NRXN1: variants seen among roughly 807,000 people sequenced by gnomAD.
NRXN1 encodes the protein neurexin-1.
A neutral mutation model predicts 150.9 loss-of-function variants in NRXN1; 39 were observed. The observed-to-expected ratio is 0.26, with a 90% confidence interval of 0.20 to 0.34. NRXN1 has a LOEUF of 0.34. NRXN1 is among the 10% of genes least tolerant of loss of function. NRXN1 has a pLI of 1.00. For synonymous variants in NRXN1, 924 were observed against 757.0 expected (o/e 1.22, Z -3.62); for missense variants, 1,815 against 1,949.9 (o/e 0.93, Z 1.30).
chr2:49,924,457 A>C (rs1668743108), intron 22 of NRXN1, among the ~76,000 whole-genome samples: 1 of 152,196 alleles, frequency 6.6e-6, no homozygotes, highest in Non-Finnish European at 1.5e-5. Context: ...ATCTTATCAA[A>C]AAAATTTTAT....
At chr2:50,262,340 C>G (rs1237909808) in intron 17 of NRXN1, among the ~76,000 whole-genome samples, 1 of 151,704 alleles carries the variant, frequency 6.6e-6, no homozygotes, top group Non-Finnish European at 1.5e-5. Context: ...AAATCATATA[C>G]CCTACATGGC....
At chr2:50,725,781 C>G (rs1574255308) in intron 5 of NRXN1, among the ~76,000 whole-genome samples, 1 of 152,070 alleles carries the variant, frequency 6.6e-6, no homozygotes, top group Non-Finnish European at 1.5e-5. Context: ...CTTTGTAAAA[C>G]AGACTTAAGA....
chr2:51,014,573 T>G (rs1463044725), intron 2 of NRXN1, among the ~76,000 whole-genome samples: 2 of 151,948 alleles, frequency 1.3e-5, no homozygotes, highest in Non-Finnish European at 2.9e-5. Context: ...ACAGGAGAGA[T>G]TATCCTATGT....
chr2:50,961,011 T>C (rs905622574), intron 2 of NRXN1, among the ~76,000 whole-genome samples: 1 of 151,944 alleles, frequency 6.6e-6, no homozygotes, highest in Non-Finnish European at 1.5e-5. Flanking sequence ...TAAGTTTTTG[T>C]AAAAATTAGG....
chr2:50,996,648 G>C (rs1435389306), intron 2 of NRXN1, among the ~76,000 whole-genome samples: 1 of 151,920 alleles, frequency 6.6e-6, no homozygotes, highest in East Asian at 1.9e-4. Flanking sequence ...AAGACGAAAA[G>C]CTTAGACTTC....
At chr2:50,496,804 GA>G (rs2091657997) in intron 14 of NRXN1, among the ~76,000 whole-genome samples, 1 of 152,162 alleles carries the variant, frequency 6.6e-6, no homozygotes, top group Non-Finnish European at 1.5e-5. Flanking sequence ...TTTGCAGAAT[GA>G]GTGAATAAAT....
At chr2:50,812,079 A>T (rs1574559335) in intron 5 of NRXN1, among the ~76,000 whole-genome samples, 1 of 151,840 alleles carries the variant, frequency 6.6e-6, no homozygotes, top group East Asian at 1.9e-4. Flanking sequence ...AACCAGATGA[A>T]AAAAAAAACT....
At chr2:50,059,710 C>T (rs1333380268) in intron 19 of NRXN1, among the ~76,000 whole-genome samples, 1 of 152,122 alleles carries the variant, frequency 6.6e-6, no homozygotes, top group African/African-American at 2.4e-5. Flanking sequence ...TCTCAGGACT[C>T]AGGTGTCTTG....
intron 17 of NRXN1, among the ~76,000 whole-genome samples, chr2:50,432,504 C>G (rs765241134): frequency 6.6e-6 from 1 of 152,196 alleles, no homozygotes; most frequent in Non-Finnish European, 1.5e-5. Flanking sequence ...TTCTATACTT[C>G]TTTCCTGTTA....
At chr2:50,989,470 C>A (rs978706916) in intron 2 of NRXN1, among the ~76,000 whole-genome samples, 1 of 151,946 alleles carries the variant, frequency 6.6e-6, no homozygotes, top group Non-Finnish European at 1.5e-5. Context: ...GCCCCTACAA[C>A]CCAGGCATTT....
intron 2 of NRXN1, among the ~76,000 whole-genome samples, chr2:50,947,752 T>C (rs766967379): frequency 2.6e-5 from 4 of 151,964 alleles, no homozygotes; most frequent in African/African-American, 4.8e-5. Flanking sequence ...ATAAAACCAA[T>C]CATGTTAAAG....
intron 12 of NRXN1, among the ~76,000 whole-genome samples, chr2:50,510,102 A>AG (rs2092393359): frequency 6.6e-6 from 1 of 152,132 alleles, no homozygotes; most frequent in African/African-American, 2.4e-5. Context: ...TGAAAAAAAA[A>AG]TTCTGTTGTT....
At chr2:50,748,312 G>T (rs1475266196) in intron 5 of NRXN1, among the ~76,000 whole-genome samples, 1 of 152,078 alleles carries the variant, frequency 6.6e-6, no homozygotes, top group African/African-American at 2.4e-5. Context: ...CACTGATAAG[G>T]TTAAATAGAA....
At chr2:50,506,649 A>G in intron 12 of NRXN1, 32 bp from the exon 13 acceptor site, 1 of 1,607,782 alleles carries the variant, frequency 6.2e-7, no homozygotes, top group Non-Finnish European at 8.5e-7. Flanking sequence ...CATTATGGAC[A>G]CTCAGAATCA....
rs562505597 is a variant in NRXN1, at chr2:49,920,794, A to G, written c.*1150T>C. ...GTGAGTATTTCAGGGAGAAAAGATT[A>G]TAAGATACATATGTATATATGTGAC... On this transcript the variant is annotated 3_prime_UTR_variant, in exon 23 of 23. Transcript: ENST00000401669. The G allele has an allele frequency of 1.3e-5, 2 of 152,182 alleles. No homozygotes were observed. Among genetic ancestry groups the G allele is most frequent in the South Asian group, 2.1e-4 (1 of 4,800 alleles). The allele number at this position is 152,182 out of a possible 1,614,324, so 9.4% of individuals were successfully genotyped here.
chr2:50,506,392 T>C (rs1264631645), intron 13 of NRXN1, 103 bp downstream of exon 13: 2 of 995,094 alleles, frequency 2.0e-6, no homozygotes, highest in Non-Finnish European at 2.9e-6. Flanking sequence ...ATTGTGTGAA[T>C]ACATTTCAAG....
chr2:50,688,809 T>C (rs962145181), intron 5 of NRXN1, among the ~76,000 whole-genome samples: 6 of 152,174 alleles, frequency 3.9e-5, no homozygotes, highest in African/African-American at 1.4e-4. Flanking sequence ...GATTATACCA[T>C]CAGTCCAAAA....
intron 5 of NRXN1, among the ~76,000 whole-genome samples, chr2:50,647,005 A>T (rs896629646): frequency 2.6e-5 from 4 of 151,248 alleles, no homozygotes; most frequent in African/African-American, 9.7e-5. Flanking sequence ...CTCAAGCATT[A>T]TATTGTTTGA....
chr2:50,992,501 A>C (rs981494063), intron 2 of NRXN1, among the ~76,000 whole-genome samples: 5 of 147,888 alleles, frequency 3.4e-5, no homozygotes, highest in African/African-American at 1.2e-4. Flanking sequence ...GGGCTCCAAA[A>C]TAGGTTTAGT....
Sources: gnomAD v4.1 joint callset for allele counts (sites outside exome capture counted in the v4.1 genomes callset) on GRCh38, gnomAD v4.1.1 for gene constraint, MANE v1.5 for transcripts, NCBI Gene and HGNC (gene_info 2026-07-23, HGNC 2026-07-21) for gene names.